The following STRBP variants were observed in gnomAD, a reference collection of about 807,000 sequenced individuals.
STRBP encodes the protein spermatid perinuclear RNA binding protein.
STRBP carries 13 observed loss-of-function variants against 80.1 expected under a neutral mutation model. The ratio of observed to expected loss-of-function variants is 0.16; its 90% CI spans 0.11 to 0.26. The LOEUF is 0.26. Ranked by LOEUF, STRBP falls within the 10% of genes least tolerant of loss-of-function variation. The pLI is 1.00. For synonymous variants in STRBP, 284 were observed against 291.2 expected (o/e 0.98, Z 0.25); for missense variants, 485 against 815.2 (o/e 0.59, Z 4.93).
chr9:123,237,691 A>C (rs997780748), intron 1 of STRBP, among the ~76,000 whole-genome samples: 5 of 151,984 alleles, frequency 3.3e-5, no homozygotes, highest in Non-Finnish European at 5.9e-5. Flanking sequence ...CTGTGCGCTG[A>C]ATTCTGGGGT....
At chr9:123,130,766 T>TC (rs1289509305) in intron 17 of STRBP, among the ~76,000 whole-genome samples, 1 of 152,126 alleles carries the variant, frequency 6.6e-6, no homozygotes, top group Non-Finnish European at 1.5e-5. Flanking sequence ...CTTTTCCTTT[T>TC]CCCCCAATGC....
At chr9:123,268,095 C>T (rs1006424706) in intron 1 of STRBP, among the ~76,000 whole-genome samples, 12 of 151,640 alleles carry the variant, frequency 7.9e-5, no homozygotes, top group Non-Finnish European at 1.8e-4. Context: ...CCCTCCGTCC[C>T]GGAAGACCTC....
chr9:123,139,619 T>C lies in STRBP; in HGVS notation c.1407A>G (p.Lys469=), dbSNP rs1399780877. ...TTTCATTTTTACTTTCATTATCTGA[T>C]TTTTCATCGGAACTCATACATTCAA... ...ADIECMSSDE[K]SDNESKNETV... Residue 469 remains lysine (K), a synonymous_variant, in exon 14 of 19, where the codon AAA becomes AAG. Coordinates refer to ENST00000348403, the MANE Select transcript of STRBP (RefSeq NM_018387.5). 1.2e-6 allele frequency: 2 copies of C among 1,613,126 alleles called. No homozygotes were observed. The highest frequency in any genetic ancestry group is 1.7e-6 in the Non-Finnish European group (2 of 1,179,850).
intron 2 of STRBP, among the ~76,000 whole-genome samples, chr9:123,203,595 A>G (rs902431240): frequency 1.3e-5 from 2 of 152,022 alleles, no homozygotes; most frequent in African/African-American, 4.8e-5. Context: ...TTTGCCCCCA[A>G]TATCCACATC....
chr9:123,109,714 T>G (rs1201007804), exon 4 of STRBP: 1 of 152,236 alleles, frequency 6.6e-6, no homozygotes, highest in Non-Finnish European at 1.5e-5. Context: ...GGCGAGGCAC[T>G]GATGACCATC....
chr9:123,256,863 A>AAAACTCC (rs1382947148), intron 1 of STRBP, among the ~76,000 whole-genome samples: 1 of 152,152 alleles, frequency 6.6e-6, no homozygotes, highest in Non-Finnish European at 1.5e-5. Context: ...GGAGAACGTG[A>AAAACTCC]AAACTCCATG....
chr9:123,164,537 C>G (rs2037669932), intron 6 of STRBP, among the ~76,000 whole-genome samples: 1 of 152,120 alleles, frequency 6.6e-6, no homozygotes, highest in Non-Finnish European at 1.5e-5. Context: ...CTCTCAATGC[C>G]TTACATGCAA....
In STRBP at chr9:123,160,479, G is replaced by C. The variant is rs760256376; in HGVS notation, c.628-17C>G. 27 of 1,572,286 alleles carry C rather than the reference G, an allele frequency of 1.7e-5. No homozygotes were observed. The Admixed American group carries it at 4.6e-4, about 27-fold the overall frequency. On this transcript the variant is annotated splice_polypyrimidine_tract_variant and intron_variant, in intron 7 of 18. Transcript: ENST00000348403. Reference sequence around the variant, plus strand: ...TGCCCTTGCCTAAAACAAACAAAATGATTCCAGATATCCCTATTGAGATCT... The same window carrying C: ...TGCCCTTGCCTAAAACAAACAAAATCATTCCAGATATCCCTATTGAGATCT...
intron 1 of STRBP, among the ~76,000 whole-genome samples, chr9:123,261,022 T>C (rs1274997675): frequency 1.3e-5 from 2 of 152,242 alleles, no homozygotes; most frequent in Non-Finnish European, 2.9e-5. Flanking sequence ...AGGAGTATTA[T>C]TCCTATTTCA....
intron 1 of STRBP, among the ~76,000 whole-genome samples, chr9:123,250,566 T>A (rs891887563): frequency 6.6e-6 from 1 of 152,162 alleles, no homozygotes. Flanking sequence ...GTAGGTTGAT[T>A]TGGTGTTCCC....
intron 2 of STRBP, among the ~76,000 whole-genome samples, chr9:123,215,665 A>G (rs751591957): frequency 2.0e-5 from 3 of 152,056 alleles, no homozygotes; most frequent in Non-Finnish European, 4.4e-5. Flanking sequence ...CGTGCCTATA[A>G]TCCTAGATAC....
Position 123,126,729 on chromosome 9 carries a change from A to G in STRBP, c.1943-1056T>C, listed in dbSNP as rs968891238. Among the ~76,000 whole-genome samples, 4 of 152,234 alleles carry G rather than the reference A, an allele frequency of 2.6e-5. No homozygotes were observed. The highest frequency in any genetic ancestry group is 9.7e-5 in the African/African-American group (4 of 41,450). ...GTCTAAAAGAAAGACACAGATTTAA[A>G]TATCTGCCCCAAGCGGCAGATGTTT... On this transcript the variant is annotated intron_variant, in intron 18 of 18. Transcript: ENST00000348403. The surrounding 1 kb of genome is among the most constrained non-coding windows in gnomAD (Gnocchi z 4.4).
chr9:123,138,679 T>C (rs1424040796), intron 14 of STRBP, among the ~76,000 whole-genome samples: 1 of 152,232 alleles, frequency 6.6e-6, no homozygotes, highest in Non-Finnish European at 1.5e-5. Context: ...ACAGAGCTTA[T>C]CGCATTATAT....
At chr9:123,256,699 C>T (rs538836149) in intron 1 of STRBP, among the ~76,000 whole-genome samples, 1 of 152,220 alleles carries the variant, frequency 6.6e-6, no homozygotes, top group Non-Finnish European at 1.5e-5. Flanking sequence ...GGCACCAATC[C>T]TAGACAGAAC....
downstream of STRBP, among the ~76,000 whole-genome samples, chr9:123,120,059 T>C (rs2035705089): frequency 6.6e-6 from 1 of 152,154 alleles, no homozygotes; most frequent in Non-Finnish European, 1.5e-5. Flanking sequence ...AAACAGTCTT[T>C]TGGGAAGAGG....
chr9:123,228,839 T>C (rs1003049941), intron 2 of STRBP, among the ~76,000 whole-genome samples: 1 of 152,196 alleles, frequency 6.6e-6, no homozygotes, highest in African/African-American at 2.4e-5. Context: ...CTACTAAGTA[T>C]GTAGCCAAGA....
intron 2 of STRBP, among the ~76,000 whole-genome samples, chr9:123,192,975 A>G (rs2038976418): frequency 6.6e-6 from 1 of 152,184 alleles, no homozygotes; most frequent in Non-Finnish European, 1.5e-5. Context: ...TCTATGCCAG[A>G]ACACCTTGCA....
intron 2 of STRBP, among the ~76,000 whole-genome samples, chr9:123,207,644 C>T (rs531946414): frequency 3.3e-5 from 5 of 152,074 alleles, no homozygotes; most frequent in South Asian, 2.1e-4. Context: ...CATGACGGGT[C>T]GATGGGTGCA....
intron 14 of STRBP, among the ~76,000 whole-genome samples, chr9:123,137,982 T>C (rs1054374650): frequency 6.6e-6 from 1 of 152,246 alleles, no homozygotes; most frequent in Non-Finnish European, 1.5e-5. Context: ...GTAATCACTC[T>C]ATGCTTTCCA....
Sources: allele counts gnomAD v4.1 joint callset (sites outside exome capture counted in the v4.1 genomes callset), GRCh38; gene constraint gnomAD v4.1.1; non-coding constraint Gnocchi (gnomAD v3.1); transcripts MANE v1.5; gene names NCBI Gene and HGNC (gene_info 2026-07-23, HGNC 2026-07-21).